The following SPAG9 variants were observed in gnomAD, a reference collection of about 807,000 sequenced individuals.
SPAG9 encodes the protein sperm associated antigen 9, also known as C-Jun-amino-terminal kinase-interacting protein 4.
Under a neutral mutation model 166.5 loss-of-function variants are expected in SPAG9, and 35 were observed. That is an observed-to-expected ratio of 0.21 (90% CI 0.16 to 0.28). The LOEUF (loss-of-function observed/expected upper bound fraction) is 0.28. Among genes scored for constraint, SPAG9 ranks in the 10% least tolerant of loss-of-function variants. SPAG9 has a pLI of 1.00. For synonymous variants in SPAG9, 534 were observed against 565.5 expected (o/e 0.94, Z 0.79); for missense variants, 1,235 against 1,603.3 (o/e 0.77, Z 3.92).
chr17:51,047,496 A>C (rs1294471107), intron 3 of SPAG9, 27 bp from the exon 4 acceptor site: 2 of 1,072,966 alleles, frequency 1.9e-6, no homozygotes, highest in South Asian at 2.8e-5. Flanking sequence ...AAAAATACAC[A>C]ATATTTAAGG....
At chr17:51,029,743 T>C (rs553977447) in intron 6 of SPAG9, among the ~76,000 whole-genome samples, 12 of 152,264 alleles carry the variant, frequency 7.9e-5, no homozygotes, top group Middle Eastern at 3.4e-3. Flanking sequence ...TAAAGTAAAA[T>C]GGTAGTTTCC....
intron 4 of SPAG9, among the ~76,000 whole-genome samples, chr17:51,043,630 G>C (rs12450650): frequency 0.24 from 36,316 of 151,970 alleles, 5,187 homozygotes; most frequent in Admixed American, 0.34. Flanking sequence ...AAAATCCAAG[G>C]GGACTAAGAG....
At chr17:51,046,656 C>T in intron 4 of SPAG9, 4 of 1,536,096 alleles carry the variant, frequency 2.6e-6, no homozygotes, top group East Asian at 2.4e-5. Context: ...GCATCCAGGA[C>T]TCATGGCGCT....
chr17:51,075,888 G>A (rs944950338), intron 2 of SPAG9, among the ~76,000 whole-genome samples: 12 of 151,984 alleles, frequency 7.9e-5, no homozygotes, highest in Non-Finnish European at 1.5e-4. Flanking sequence ...GAGGTCAGGA[G>A]ATTGAGACCA....
chr17:51,093,069 TAAAAAAAAAA>T (rs533198690), intron 1 of SPAG9, among the ~76,000 whole-genome samples: 1 of 101,158 alleles, frequency 9.9e-6, no homozygotes, highest in African/African-American at 3.7e-5. Flanking sequence ...GATATTTCTG[TAAAAAAAAAA>T]AAAAAAAAAA....
chr17:51,092,165 T>C (rs1203491214), intron 1 of SPAG9, among the ~76,000 whole-genome samples: 1 of 151,998 alleles, frequency 6.6e-6, no homozygotes, highest in Non-Finnish European at 1.5e-5. Context: ...TTATATTAAT[T>C]AGTTAAATGT....
At chr17:50,984,235 A>G (rs967937185) in intron 24 of SPAG9, among the ~76,000 whole-genome samples, 7 of 152,218 alleles carry the variant, frequency 4.6e-5, no homozygotes, top group African/African-American at 1.7e-4. Flanking sequence ...GGTGACATGA[A>G]AATGATTAAA....
At position 51,111,757 on chromosome 17, in the gene SPAG9, C is replaced by T. The variant is rs543497729; in HGVS notation, c.303+8597G>A. ...AGCTTGGATTACAGGCGTCCGCCAC[C>T]ATGCCCAGTTAATTTTTGTATTTTT... is the stretch of plus-strand genomic sequence containing the variant. On this transcript the variant is annotated intron_variant, in intron 1 of 29. Coordinates refer to ENST00000262013, the MANE Select transcript of SPAG9 (RefSeq NM_001130528.3). Among the ~76,000 whole-genome samples the T allele has an allele frequency of 7.9e-5, 12 of 152,236 alleles. No individual in the cohort carries two copies. The South Asian group carries it at 2.5e-3, about 32-fold the overall frequency.
chr17:51,010,585 ATAT>A (rs1567994469), intron 9 of SPAG9, among the ~76,000 whole-genome samples: 51 of 130,976 alleles, frequency 3.9e-4, no homozygotes, highest in African/African-American at 1.5e-3. Context: ...AAAAAAAAAT[ATAT>A]ATATATATAT....
intron 1 of SPAG9, among the ~76,000 whole-genome samples, chr17:51,092,751 CA>C (rs200338786): frequency 5.6e-3 from 303 of 54,220 alleles, no homozygotes; most frequent in Non-Finnish European, 0.01. Context: ...CTTGTCTCTA[CA>C]AAAAAAAAAA....
rs779227357 is a variant in SPAG9 at position 50,970,739 on chromosome 17, C to T, written c.3818G>A (p.Ser1273Asn). ...GAAGTCGATGTAGCCCTCTCCTCCA[C>T]TGATGACAAGCATAGACTTCAAGGG... ...QTPLKSMLVI[S>N]GGEGYIDFRM... The change falls in exon 29 of 30, where the codon AGT becomes AAT. Residue 1273 changes from serine to asparagine, a missense_variant. Ser to Asn is a conservative substitution (Grantham distance 46). Transcript: ENST00000262013. 1 of 1,614,122 alleles carries T rather than the reference C, an allele frequency of 6.2e-7. No homozygotes were observed. The highest frequency in any genetic ancestry group is 8.5e-7 in the Non-Finnish European group (1 of 1,180,014).
Position 51,041,607 on chromosome 17 carries a change from C to T in SPAG9, c.635G>A (p.Gly212Glu). Residue 212 changes from glycine to glutamate, a missense_variant, in exon 5 of 30, where the codon GGA becomes GAA. Physicochemically the swap from Gly to Glu is moderately conservative, Grantham distance 98. This residue lies in a region of SPAG9 where 288 missense variants were observed against 323.7 expected (regional missense o/e 0.89). Coordinates refer to ENST00000262013, the MANE Select transcript of SPAG9 (RefSeq NM_001130528.3). Reference sequence around the variant, plus strand: ...AGCATCAGGTGTAAGCAATCCATCTCCAGCAGGTAATGGGAAAATTCCTAA... The same window carrying T: ...AGCATCAGGTGTAAGCAATCCATCTTCAGCAGGTAATGGGAAAATTCCTAA... ...ISLGIFPLPA[G>E]DGLLTPDAQK... 1 of 1,613,972 alleles carries T rather than the reference C, an allele frequency of 6.2e-7. No homozygotes were observed. Among genetic ancestry groups the T allele is most frequent in the South Asian group, 1.1e-5 (1 of 91,076 alleles).
In SPAG9 at chr17:51,120,430, T is replaced by A; in HGVS notation, c.227A>T (p.Glu76Val). The stretch of plus-strand genomic sequence containing the variant: ...CTGCTCGTTGTCGTCCCGCAGCAGC[T>A]CCAGCTCCACCTGGTGCTCCTGGTC... ...AQDQEHQVEL[E>V]LLRDDNEQLI... The change falls in exon 1 of 30, where the codon GAG becomes GTG. Residue 76 changes from glutamate (E) to valine (V), a missense_variant. Around this residue, in one of 6 missense-constraint regions of SPAG9, gnomAD observed 83 missense variants for 149.8 expected, o/e 0.55. Coordinates refer to ENST00000262013, the MANE Select transcript of SPAG9 (RefSeq NM_001130528.3). This position sits in a 1 kb window ranked among gnomAD's most constrained non-coding sequence, Gnocchi z 4.7. The A allele has an allele frequency of 6.2e-7, 1 of 1,613,344 alleles. No individual in the cohort carries two copies. Among genetic ancestry groups the A allele is most frequent in the Non-Finnish European group, 8.5e-7 (1 of 1,179,646 alleles).
chr17:51,061,341 G>A (rs1320910333), intron 2 of SPAG9, among the ~76,000 whole-genome samples: 7 of 152,020 alleles, frequency 4.6e-5, no homozygotes, highest in South Asian at 4.1e-4. Flanking sequence ...GGCCAGGAGC[G>A]GTGGCTCAAA....
rs757517747 is a variant in SPAG9, at chr17:51,020,204, G to C, written c.1046C>G (p.Pro349Arg). ...SEVQAIIESTPELDMDKDLSG... is the reference protein window; with the variant it reads ...SEVQAIIESTRELDMDKDLSG... Reference sequence around the variant, plus strand: ...GAGATCTTTGTCCATATCCAGCTCAGGAGTAGATTCGATGATTGCTTGAAC... The same window carrying C: ...GAGATCTTTGTCCATATCCAGCTCACGAGTAGATTCGATGATTGCTTGAAC... The change falls in exon 8 of 30, where the codon CCT becomes CGT. Residue 349 changes from proline (P) to arginine (R), a missense_variant. Around this residue, in one of 6 missense-constraint regions of SPAG9, gnomAD observed 288 missense variants for 323.7 expected, o/e 0.89. Coordinates refer to ENST00000262013, the MANE Select transcript of SPAG9 (RefSeq NM_001130528.3). 12 of 1,613,484 alleles carry C rather than the reference G, an allele frequency of 7.4e-6. No individual in the cohort carries two copies. Among genetic ancestry groups the C allele is most frequent in the African/African-American group, 2.7e-5 (2 of 74,872 alleles).
intron 2 of SPAG9, among the ~76,000 whole-genome samples, chr17:51,061,612 CA>C (rs34010166): frequency 0.021 from 679 of 31,710 alleles, no homozygotes; most frequent in African/African-American, 0.052. Context: ...GCTCTGTCTC[CA>C]AAAAAAAAAA....
chr17:51,083,781 G>A (rs570543383), intron 1 of SPAG9, among the ~76,000 whole-genome samples: 1 of 151,806 alleles, frequency 6.6e-6, no homozygotes, highest in Admixed American at 6.6e-5. Context: ...AATCATTAGG[G>A]GGTCCAAAGA....
chr17:51,035,062 C>A (rs2046533114), intron 5 of SPAG9, among the ~76,000 whole-genome samples: 1 of 152,208 alleles, frequency 6.6e-6, no homozygotes, highest in Non-Finnish European at 1.5e-5. Context: ...ATAATCCCTG[C>A]ACTTTGGCAG....
In SPAG9 at chr17:50,995,233, G is replaced by A. The variant is rs775504199; in HGVS notation, c.2059-9C>T. On this transcript the variant is annotated splice_polypyrimidine_tract_variant and intron_variant, in intron 17 of 29. Transcript: ENST00000262013. The stretch of plus-strand genomic sequence containing the variant: ...CCAACAGCACACCACAGCTTCTCAG[G>A]TGAAAAAGAAAACAATATTAAGTCT... 18 of 1,603,964 alleles carry A rather than the reference G, an allele frequency of 1.1e-5. No individual in the cohort carries two copies. The Admixed American group carries it at 2.8e-4, about 25-fold the overall frequency.
Sources: allele counts gnomAD v4.1 joint callset (sites outside exome capture counted in the v4.1 genomes callset), GRCh38; gene constraint gnomAD v4.1.1; regional missense constraint gnomAD v4.1.1; non-coding constraint Gnocchi (gnomAD v3.1); transcripts MANE v1.5; gene names NCBI Gene and HGNC (gene_info 2026-07-23, HGNC 2026-07-21).